Variants in SCN10A observed in about 807,000 individuals in gnomAD.
SCN10A encodes sodium voltage-gated channel alpha subunit 10.
Under a neutral mutation model 170.7 loss-of-function variants are expected in SCN10A, and 162 were observed. The ratio of observed to expected loss-of-function variants is 0.95; its 90% CI spans 0.84 to 1.08. SCN10A has a LOEUF of 1.08. Among genes scored for constraint, SCN10A ranks in the 50% least tolerant of loss-of-function variants. The probability of loss-of-function intolerance (pLI) is 0.00; values close to 1 mark genes in which losing one functional copy is unlikely to be tolerated. For synonymous variants in SCN10A, 985 were observed against 904.6 expected (o/e 1.09, Z -1.59); for missense variants, 2,527 against 2,436.9 (o/e 1.04, Z -0.78).
chr3:38,763,439 T>C, intron 6 of SCN10A, 66 bp downstream of exon 6: 2 of 1,242,122 alleles, frequency 1.6e-6, no homozygotes, highest in South Asian at 2.4e-5. Flanking sequence ...TACAGGGTTC[T>C]TGTGAAAATT....
At chr3:38,760,118 T>C (rs982448112) in intron 8 of SCN10A, among the ~76,000 whole-genome samples, 24 of 152,232 alleles carry the variant, frequency 1.6e-4, no homozygotes, top group African/African-American at 4.3e-4. Context: ...CATTGAGTGA[T>C]GAAGTCTATT....
intron 15 of SCN10A, among the ~76,000 whole-genome samples, chr3:38,736,009 AGT>A (rs1436168332): frequency 6.6e-6 from 1 of 152,220 alleles, no homozygotes; most frequent in Non-Finnish European, 1.5e-5. Context: ...AACTTTAGAT[AGT>A]GTGGTTGGGG....
At chr3:38,744,283 T>C (rs1385060931) in intron 13 of SCN10A, among the ~76,000 whole-genome samples, 2 of 152,088 alleles carry the variant, frequency 1.3e-5, no homozygotes, top group African/African-American at 2.4e-5. Flanking sequence ...GAAGGAGACA[T>C]AGTTGTCATT....
At chr3:38,710,221 G>A (rs567109885) in intron 24 of SCN10A, among the ~76,000 whole-genome samples, 4 of 152,102 alleles carry the variant, frequency 2.6e-5, no homozygotes, top group East Asian at 3.9e-4. Context: ...GTGCAGTGAC[G>A]CAATCTCAGC....
intron 15 of SCN10A, among the ~76,000 whole-genome samples, chr3:38,736,973 T>TG (rs58792349): frequency 0.036 from 3,601 of 100,204 alleles, 360 homozygotes; most frequent in African/African-American, 0.14. Flanking sequence ...GTTTTTTTTT[T>TG]TTTTTTTTTT....
At position 38,760,657 on chromosome 3, in the gene SCN10A, C is replaced by T. The variant is rs1576013944; in HGVS notation, c.950+24G>A. On this transcript the variant is annotated intron_variant, in intron 8 of 27. Coordinates refer to ENST00000449082, the MANE Select transcript of SCN10A (RefSeq NM_006514.4). ...GAGAAGGAATTGTTGGGCACTCGTG[C>T]TTTGTCATAAGTTGGGAACTCACCC... The T allele has an allele frequency of 5.6e-6, 9 of 1,597,464 alleles. No individual in the cohort carries two copies. The East Asian group carries it at 1.8e-4, about 32-fold the overall frequency.
rs895837099 is a variant in SCN10A at position 38,712,533 on chromosome 3, C to T, written c.3805-88G>A. The T allele has an allele frequency of 2.9e-6, 4 of 1,377,972 alleles. No individual in the cohort carries two copies. The African/African-American group carries it at 4.3e-5, about 15-fold the overall frequency. 85.4% of individuals were successfully genotyped at this position (1,377,972 alleles called of 1,614,324 possible). A position where few individuals can be genotyped will look rare whatever the true frequency, so the allele number is the denominator to read the frequency against. On this transcript the variant is annotated intron_variant, in intron 22 of 27. Coordinates refer to ENST00000449082, the MANE Select transcript of SCN10A (RefSeq NM_006514.4). The stretch of plus-strand genomic sequence containing the variant: ...TCTCTTTCTATACTCATTCAGGCTG[C>T]TTCATGAGCCAGTGGCCTTTGGAAG...
chr3:38,770,345 C>T lies in SCN10A; in HGVS notation c.599+934G>A, dbSNP rs113795932. ...GTTTCTGGGTTTTGTGTTCAGCTAC[C>T]AAGGCAGGTAGGGAAATACCATCAG... On this transcript the variant is annotated intron_variant, in intron 5 of 27. Coordinates refer to ENST00000449082, the MANE Select transcript of SCN10A (RefSeq NM_006514.4). Among the ~76,000 whole-genome samples the T allele has an allele frequency of 7.2e-3, 1,095 of 152,208 alleles. 12 individuals carry two copies. Among genetic ancestry groups the T allele is most frequent in the African/African-American group, 0.023 (956 of 41,532 alleles).
intron 13 of SCN10A, among the ~76,000 whole-genome samples, chr3:38,746,065 A>ATATATG (rs1553619554): frequency 2.4e-5 from 1 of 42,284 alleles, no homozygotes; most frequent in Non-Finnish European, 4.2e-5. Context: ...GTGTATGTGT[A>ATATATG]TATATATATA....
At chr3:38,711,008 C>T in intron 23 of SCN10A, 111 bp from the exon 24 acceptor site, 1 of 848,978 alleles carries the variant, frequency 1.2e-6, no homozygotes, top group Non-Finnish European at 1.9e-6. Context: ...TTGGAAAGGG[C>T]TTGTGCAGAA....
intron 26 of SCN10A, among the ~76,000 whole-genome samples, chr3:38,706,781 G>C (rs1175586686): frequency 6.6e-6 from 1 of 152,120 alleles, no homozygotes; most frequent in Non-Finnish European, 1.5e-5. Context: ...ATAACTTTTG[G>C]TTCCTACTGG....
Position 38,697,512 on chromosome 3 carries a change from C to A in SCN10A, c.5708G>T (p.Cys1903Phe). Residue 1903 changes from cysteine (C) to phenylalanine (F), a missense_variant, in exon 28 of 28, where the codon TGT (cysteine) becomes TTT (phenylalanine). Coordinates refer to ENST00000449082, the MANE Select transcript of SCN10A (RefSeq NM_006514.4). ...AGTTTCAGATTTGTCTGGGAGTACA[C>A]AATTTTCATTTGCTGTGAATGCAAC... is the stretch of plus-strand genomic sequence containing the variant. The part of the protein sequence containing the change: ...GFVAFTANEN[C>F]VLPDKSETAS... 6.2e-7 allele frequency: 1 copy of A among 1,614,182 alleles called. No individual in the cohort carries two copies. Among genetic ancestry groups the A allele is most frequent in the Non-Finnish European group, 8.5e-7 (1 of 1,180,040 alleles).
At position 38,756,840 on chromosome 3, in the gene SCN10A, A is replaced by G; in HGVS notation, c.1124T>C (p.Ile375Thr). The change falls in exon 10 of 28, where the codon ATC (isoleucine) becomes ACC (threonine). Residue 375 changes from isoleucine to threonine, a missense_variant. Ile to Thr is a moderately conservative substitution (Grantham distance 89, BLOSUM62 -1). Coordinates refer to ENST00000449082, the MANE Select transcript of SCN10A (RefSeq NM_006514.4). ...CAGGAAGATTACGAGCACAAAAAAG[A>G]TCATATAGATTTTCCCAGAAGTCCT... ...TLRTSGKIYM[I>T]FFVLVIFLGS... 6.2e-7 allele frequency: 1 copy of G among 1,614,190 alleles called. No individual in the cohort carries two copies. The highest frequency in any genetic ancestry group is 8.5e-7 in the Non-Finnish European group (1 of 1,180,036).
At chr3:38,755,024 G>A (rs2063788385) in intron 11 of SCN10A, among the ~76,000 whole-genome samples, 1 of 152,004 alleles carries the variant, frequency 6.6e-6, no homozygotes, top group South Asian at 2.1e-4. Context: ...GAAAGTTGCA[G>A]TGCAAATTTT....
At chr3:38,773,333 CATTCAAACAAGAAACATAT>C in intron 4 of SCN10A, among the ~76,000 whole-genome samples, 1 of 152,084 alleles carries the variant, frequency 6.6e-6, no homozygotes, top group Middle Eastern at 3.4e-3. Context: ...GGATATGCTC[CATTCAAACAAGAAACATAT>C]ATGCGATCCA....
In SCN10A at chr3:38,728,547, G is replaced by A. The variant is rs201330370; in HGVS notation, c.2635C>T (p.Leu879=). Residue 879 remains leucine, a synonymous_variant, in exon 16 of 28, where the codon CTG becomes TTG. Transcript: ENST00000449082. ...CAGCAGGGTTCACCACTCACCACCA[G>A]GTTCCCTAGCACCATCACCGTCAAG... ...LFLTVMVLGN[L]VVLNLFIALL... is the part of the protein sequence containing the mutation. 6 of 1,580,006 alleles carry A rather than the reference G, an allele frequency of 3.8e-6. No homozygotes were observed. In the South Asian group the frequency reaches 5.9e-5, roughly 15 times the overall value.
At chr3:38,781,850 G>A (rs115823858) in intron 4 of SCN10A, among the ~76,000 whole-genome samples, 320 of 151,940 alleles carry the variant, frequency 2.1e-3, no homozygotes, top group African/African-American at 7.2e-3. Flanking sequence ...ATTTTTTGAT[G>A]TACAATTCTT....
Position 38,772,332 on chromosome 3 carries a change from AAAAAAAG to A in SCN10A, c.471-932_471-926del, listed in dbSNP as rs1281744094. Among the ~76,000 whole-genome samples, 12 of 151,848 alleles carry A rather than the reference AAAAAAAG, an allele frequency of 7.9e-5. No homozygotes were observed. The South Asian group carries it at 1.5e-3, about 18-fold the overall frequency. ...AGCAACCAAACAACTGAAAAAAAAA[AAAAAAAG>A]AAAAGAAAAGAAAAGAAAAAGAGAC... On this transcript the variant is annotated intron_variant, in intron 4 of 27. Coordinates refer to ENST00000449082, the MANE Select transcript of SCN10A (RefSeq NM_006514.4).
intron 12 of SCN10A, among the ~76,000 whole-genome samples, chr3:38,751,001 T>C (rs912579995): frequency 5.3e-5 from 8 of 152,244 alleles, no homozygotes; most frequent in Non-Finnish European, 1.2e-4. Context: ...CCTTCTCCAC[T>C]GTCTCTGTTC....
Sources: gnomAD v4.1 joint callset for allele counts (sites outside exome capture counted in the v4.1 genomes callset) on GRCh38, gnomAD v4.1.1 for gene constraint, MANE v1.5 for transcripts, NCBI Gene and HGNC (gene_info 2026-07-23, HGNC 2026-07-21) for gene names.